Variants in SPRYD4 observed in about 807,000 individuals in gnomAD.
The protein encoded by SPRYD4 is SPRY domain-containing protein 4.
Under a neutral mutation model 16.6 loss-of-function variants are expected in SPRYD4, and 12 were observed. The ratio of observed to expected loss-of-function variants is 0.72; its 90% CI spans 0.46 to 1.17. SPRYD4 has a LOEUF of 1.17. Among genes scored for constraint, SPRYD4 ranks in the 50% most tolerant of loss-of-function variants. SPRYD4 has a pLI of 0.00. For synonymous variants in SPRYD4, 98 were observed against 105.4 expected, an observed-to-expected ratio of 0.93 and a Z score of 0.43; for missense variants, 260 against 260.2, an observed-to-expected ratio of 1.00 and a Z score of 0.00.
In SPRYD4 at chr12:56,474,768, G is replaced by A. The variant is rs765467972; in HGVS notation, c.*5191G>A. ...AAGATGTGACGTGAACCTGCACATGGGACCCTCGGGTGTAGGGAAAGGGCA... is the reference window on the plus strand; with the variant it reads ...AAGATGTGACGTGAACCTGCACATGAGACCCTCGGGTGTAGGGAAAGGGCA... On this transcript the variant is annotated 3_prime_UTR_variant, in exon 2 of 2. Transcript: ENST00000338146. 5 of 1,611,468 alleles carry A rather than the reference G, an allele frequency of 3.1e-6. No homozygotes were observed. In the South Asian group the frequency reaches 4.4e-5, roughly 14 times the overall value.
chr12:56,471,709 T>G lies in SPRYD4; in HGVS notation c.*2132T>G. 1 of 1,611,898 alleles carries G rather than the reference T, an allele frequency of 6.2e-7. No homozygotes were observed. The highest frequency in any genetic ancestry group is 1.1e-5 in the South Asian group (1 of 91,024). On this transcript the variant is annotated 3_prime_UTR_variant, in exon 2 of 2. Coordinates refer to ENST00000338146, the MANE Select transcript of SPRYD4 (RefSeq NM_207344.4). The stretch of plus-strand genomic sequence containing the variant: ...AGAGTGGTGGTTGTATATATTTGCA[T>G]GGTGGCTGGAGGGTAGGTGGAGAAG...
In SPRYD4 at chr12:56,472,096, T is replaced by TC; in HGVS notation, c.*2523dup. ...AAGGGTCTTATGATTACCCTCCTCC[T>TC]CCCCTCCTTAACCCTTCAGTACCTT... On this transcript the variant is annotated 3_prime_UTR_variant, in exon 2 of 2. Coordinates refer to ENST00000338146, the MANE Select transcript of SPRYD4 (RefSeq NM_207344.4). 1 of 1,611,436 alleles carries TC rather than the reference T, an allele frequency of 6.2e-7. No individual in the cohort carries two copies. The highest frequency in any genetic ancestry group is 8.5e-7 in the Non-Finnish European group (1 of 1,177,870).
Position 56,478,572 on chromosome 12 carries a change from T to A in SPRYD4, c.*8995T>A. ...CCTATAAATCCCTTTGAAGGCTCTA[T>A]TCGATCTTGATTCCCTCACCTGCTC... On this transcript the variant is annotated 3_prime_UTR_variant, in exon 2 of 2. Transcript: ENST00000338146. 2.9e-6 allele frequency: 1 copy of A among 350,490 alleles called. No homozygotes were observed. Among genetic ancestry groups the A allele is most frequent in the Non-Finnish European group, 5.3e-6 (1 of 188,068 alleles). 21.7% of individuals were successfully genotyped at this position (350,490 alleles called of 1,614,324 possible).
In SPRYD4 at chr12:56,476,536, T is replaced by C. The variant is rs1022458213; in HGVS notation, c.*6959T>C. On this transcript the variant is annotated 3_prime_UTR_variant, in exon 2 of 2. Coordinates refer to ENST00000338146, the MANE Select transcript of SPRYD4 (RefSeq NM_207344.4). ...TGGGGGGCTGAGGCAGGAGGATCGC[T>C]TGAGACCAGGGGTTTGAGACCAGCC... is the stretch of plus-strand genomic sequence containing the variant. 1 of 154,724 alleles carries C rather than the reference T, an allele frequency of 6.5e-6. No individual in the cohort carries two copies. Among genetic ancestry groups the C allele is most frequent in the Non-Finnish European group, 1.4e-5 (1 of 70,088 alleles). 9.6% of individuals were successfully genotyped at this position (154,724 alleles called of 1,614,324 possible).
chr12:56,469,730 AC>A lies in SPRYD4; in HGVS notation c.*155del. 1 of 775,796 alleles carries A rather than the reference AC, an allele frequency of 1.3e-6. No individual in the cohort carries two copies. The highest frequency in any genetic ancestry group is 2.0e-6 in the Non-Finnish European group (1 of 499,340). 48.1% of individuals were successfully genotyped at this position (775,796 alleles called of 1,614,324 possible). ...ATCATGATCATCTTCCTCATCCCCTACCTTGTGAAAGCTAGGCATACAGCCA... is the reference window on the plus strand; with the variant it reads ...ATCATGATCATCTTCCTCATCCCCTACTTGTGAAAGCTAGGCATACAGCCA... On this transcript the variant is annotated 3_prime_UTR_variant, in exon 2 of 2. Coordinates refer to ENST00000338146, the MANE Select transcript of SPRYD4 (RefSeq NM_207344.4).
At position 56,474,495 on chromosome 12, in the gene SPRYD4, T is replaced by G. The variant is rs746155602; in HGVS notation, c.*4918T>G. The stretch of plus-strand genomic sequence containing the variant: ...ATCTTGAGAGAGTCAGTGTTCTCTC[T>G]TCTTAGCACTGGGCTCATGACAGAT... On this transcript the variant is annotated 3_prime_UTR_variant, in exon 2 of 2. Coordinates refer to ENST00000338146, the MANE Select transcript of SPRYD4 (RefSeq NM_207344.4). The G allele has an allele frequency of 3.7e-6, 6 of 1,607,706 alleles. No individual in the cohort carries two copies. The Admixed American group carries it at 1.0e-4, about 27-fold the overall frequency.
At position 56,476,944 on chromosome 12, in the gene SPRYD4, G is replaced by A. The variant is rs1379875229; in HGVS notation, c.*7367G>A. 4 of 152,182 alleles carry A rather than the reference G, an allele frequency of 2.6e-5. No individual in the cohort carries two copies. Among genetic ancestry groups the A allele is most frequent in the African/African-American group, 9.7e-5 (4 of 41,418 alleles). The allele number at this position is 152,182 out of a possible 1,614,324, so 9.4% of individuals were successfully genotyped here. On this transcript the variant is annotated 3_prime_UTR_variant, in exon 2 of 2. Coordinates refer to ENST00000338146, the MANE Select transcript of SPRYD4 (RefSeq NM_207344.4). The stretch of plus-strand genomic sequence containing the variant: ...CTTAGATGGGAATGGGATGAGGCAG[G>A]TCCCAGATACAGGTTTGTAGATGGA...
rs531838701 is a variant in SPRYD4 at position 56,477,768 on chromosome 12, C to G, written c.*8191C>G. 5.1e-6 allele frequency: 8 copies of G among 1,579,342 alleles called. No individual in the cohort carries two copies. Among genetic ancestry groups the G allele is most frequent in the Middle Eastern group, 1.7e-4 (1 of 5,858 alleles). On this transcript the variant is annotated 3_prime_UTR_variant, in exon 2 of 2. Coordinates refer to ENST00000338146, the MANE Select transcript of SPRYD4 (RefSeq NM_207344.4). Reference sequence around the variant, plus strand: ...GTCTTAGCCACTGAACAAAGCCTCCCTGACAGCCCGCTCACTTTGTGGGTT... The same window carrying G: ...GTCTTAGCCACTGAACAAAGCCTCCGTGACAGCCCGCTCACTTTGTGGGTT...
rs1383952751 is a variant in SPRYD4 at position 56,468,581 on chromosome 12, C to G, written c.-11C>G. On this transcript the variant is annotated 5_prime_UTR_variant, in exon 1 of 2. Transcript: ENST00000338146. ...AAGCGGGAGGCGTGCCCGGTTCATCCAAGGCGCAAGATGGCGCTGCTTTTT... is the reference window on the plus strand; with the variant it reads ...AAGCGGGAGGCGTGCCCGGTTCATCGAAGGCGCAAGATGGCGCTGCTTTTT... 1.9e-6 allele frequency: 3 copies of G among 1,612,512 alleles called. No individual in the cohort carries two copies. The highest frequency in any genetic ancestry group is 1.7e-5 in the Admixed American group (1 of 60,006).
Position 56,474,874 on chromosome 12 carries a change from A to G in SPRYD4, c.*5297A>G. ...GAAGTAGAGATCAAGGGCAGCCATC[A>G]TGTCCACCCCCTTAGGAAAGCACTG... is the stretch of plus-strand genomic sequence containing the variant. On this transcript the variant is annotated 3_prime_UTR_variant, in exon 2 of 2. Transcript: ENST00000338146. 7.4e-6 allele frequency: 12 copies of G among 1,614,190 alleles called. No homozygotes were observed. Among genetic ancestry groups the G allele is most frequent in the Non-Finnish European group, 9.3e-6 (11 of 1,180,034 alleles).
chr12:56,468,978 A>G (rs1258404552), intron 1 of SPRYD4, 61 bp from the exon 2 acceptor site: 2 of 1,506,366 alleles, frequency 1.3e-6, no homozygotes, highest in East Asian at 2.3e-5. Flanking sequence ...ATATCTGAAT[A>G]TATCACCAGC....
Position 56,471,352 on chromosome 12 carries a change from C to A in SPRYD4, c.*1775C>A. On this transcript the variant is annotated 3_prime_UTR_variant, in exon 2 of 2. Transcript: ENST00000338146. ...GGTATTTTGACTCCCATAGAAAGCA[C>A]TAGCCTAAGTCACCAAATGACTGCT... 1.0e-6 allele frequency: 1 copy of A among 957,864 alleles called. No homozygotes were observed. The highest frequency in any genetic ancestry group is 1.5e-6 in the Non-Finnish European group (1 of 662,134). The allele number at this position is 957,864 out of a possible 1,614,324, so 59.3% of individuals were successfully genotyped here.
Position 56,474,857 on chromosome 12 carries a change from G to C in SPRYD4, c.*5280G>C. 6.2e-7 allele frequency: 1 copy of C among 1,614,188 alleles called. No homozygotes were observed. The highest frequency in any genetic ancestry group is 8.5e-7 in the Non-Finnish European group (1 of 1,180,032). ...CAGTGTTTTCTTACCTGGAAGTAGA[G>C]ATCAAGGGCAGCCATCATGTCCACC... On this transcript the variant is annotated 3_prime_UTR_variant, in exon 2 of 2. Transcript: ENST00000338146.
rs1869419075 is a variant in SPRYD4, at chr12:56,472,883, T to G, written c.*3306T>G. The G allele has an allele frequency of 1.5e-6, 1 of 668,062 alleles. No homozygotes were observed. The highest frequency in any genetic ancestry group is 2.5e-6 in the Non-Finnish European group (1 of 403,228). 41.4% of individuals were successfully genotyped at this position (668,062 alleles called of 1,614,324 possible). ...TTATGGAATGTGCTACTCTGAAATA[T>G]TCTTTTTTTTTTTTTTTTTTTTGAG... is the stretch of plus-strand genomic sequence containing the variant. On this transcript the variant is annotated 3_prime_UTR_variant, in exon 2 of 2. Coordinates refer to ENST00000338146, the MANE Select transcript of SPRYD4 (RefSeq NM_207344.4).
In SPRYD4 at chr12:56,472,400, A is replaced by C; in HGVS notation, c.*2823A>C. 1.6e-6 allele frequency: 1 copy of C among 610,668 alleles called. No individual in the cohort carries two copies. Among genetic ancestry groups the C allele is most frequent in the Non-Finnish European group, 2.9e-6 (1 of 347,072 alleles). The allele number at this position is 610,668 out of a possible 1,614,324, so 37.8% of individuals were successfully genotyped here. On this transcript the variant is annotated 3_prime_UTR_variant, in exon 2 of 2. Transcript: ENST00000338146. The stretch of plus-strand genomic sequence containing the variant: ...AGAGATGGGAATGTGATCCTTCCAG[A>C]AATATCACTCACTGCCTACCTGTGG...
At position 56,474,687 on chromosome 12, in the gene SPRYD4, T is replaced by C; in HGVS notation, c.*5110T>C. 1 of 1,612,564 alleles carries C rather than the reference T, an allele frequency of 6.2e-7. No homozygotes were observed. Among genetic ancestry groups the C allele is most frequent in the South Asian group, 1.1e-5 (1 of 90,944 alleles). ...TTGGCGAGGGTGGCTGCCATGACACTGCCTGATTCACAAGTGACCTCCACA... is the reference window on the plus strand; with the variant it reads ...TTGGCGAGGGTGGCTGCCATGACACCGCCTGATTCACAAGTGACCTCCACA... On this transcript the variant is annotated 3_prime_UTR_variant, in exon 2 of 2. Transcript: ENST00000338146.
chr12:56,479,698 T>G lies in SPRYD4; in HGVS notation c.*10121T>G. The G allele has an allele frequency of 3.4e-6, 5 of 1,458,620 alleles. No individual in the cohort carries two copies. The highest frequency in any genetic ancestry group is 4.6e-6 in the Non-Finnish European group (5 of 1,095,184). 90.4% of individuals were successfully genotyped at this position (1,458,620 alleles called of 1,614,324 possible). A position where few individuals can be genotyped will look rare whatever the true frequency, so the allele number is the denominator to read the frequency against. ...AAAATGAGGAATTGAACTATACAAT[T>G]CCCAAATTCCTCCCTGCTCTGAGAG... is the stretch of plus-strand genomic sequence containing the variant. On this transcript the variant is annotated 3_prime_UTR_variant, in exon 2 of 2. Coordinates refer to ENST00000338146, the MANE Select transcript of SPRYD4 (RefSeq NM_207344.4).
Position 56,475,855 on chromosome 12 carries a change from G to C in SPRYD4, c.*6278G>C. Reference sequence around the variant, plus strand: ...CTTCTAGTATGGGCTGGTGCACCTGGTAGTGGGGTTAGAGAGCCACTGGGG... The same window carrying C: ...CTTCTAGTATGGGCTGGTGCACCTGCTAGTGGGGTTAGAGAGCCACTGGGG... On this transcript the variant is annotated 3_prime_UTR_variant, in exon 2 of 2. Coordinates refer to ENST00000338146, the MANE Select transcript of SPRYD4 (RefSeq NM_207344.4). 1 of 1,455,350 alleles carries C rather than the reference G, an allele frequency of 6.9e-7. No individual in the cohort carries two copies. The highest frequency in any genetic ancestry group is 1.1e-5 in the South Asian group (1 of 87,554). The allele number at this position is 1,455,350 out of a possible 1,614,324, so 90.2% of individuals were successfully genotyped here.
rs781271836 is a variant in SPRYD4 at position 56,471,836 on chromosome 12, C to T, written c.*2259C>T. On this transcript the variant is annotated 3_prime_UTR_variant, in exon 2 of 2. Transcript: ENST00000338146. ...CAGGAATTTAACAACTTCGATGTGT[C>T]CTAGGAATATGGGCAGAAGGAAAAT... The T allele has an allele frequency of 8.7e-6, 14 of 1,613,700 alleles. No homozygotes were observed. In the East Asian group the frequency reaches 2.9e-4, roughly 33 times the overall value.
Sources: allele counts gnomAD v4.1 joint callset, GRCh38; gene constraint gnomAD v4.1.1; transcripts MANE v1.5; gene names NCBI Gene and HGNC (gene_info 2026-07-23, HGNC 2026-07-21).